CLDN10: variants seen among roughly 807,000 people sequenced by gnomAD.
CLDN10 encodes claudin 10, also known as claudin-10.
CLDN10 carries 15 observed loss-of-function variants against 22.9 expected under a neutral mutation model. That is an observed-to-expected ratio of 0.65 (90% confidence interval 0.44 to 1.01). The LOEUF is 1.01. Among genes scored for constraint, CLDN10 ranks in the 50% least tolerant of loss-of-function variants. The probability of loss-of-function intolerance (pLI) is 0.00; values close to 1 mark genes in which losing one functional copy is unlikely to be tolerated. For missense variants in CLDN10, 247 were observed against 287.8 expected (o/e 0.86, Z 1.03); for synonymous variants, 114 against 111.4 (o/e 1.02, Z -0.15).
At chr13:95,562,869 C>T (rs1218121385) in intron 3 of CLDN10, among the ~76,000 whole-genome samples, 1 of 152,204 alleles carries the variant, frequency 6.6e-6, no homozygotes, top group Non-Finnish European at 1.5e-5. Flanking sequence ...CAAACAATAA[C>T]TTAAACCTAT....
intron 1 of CLDN10, among the ~76,000 whole-genome samples, chr13:95,444,841 C>T (rs1262272416): frequency 6.6e-6 from 1 of 152,210 alleles, no homozygotes; most frequent in Non-Finnish European, 1.5e-5. Flanking sequence ...GTCACACAGG[C>T]TGGAGTGCAG....
At chr13:95,534,048 T>G (rs901652743) in intron 1 of CLDN10, 1 of 152,198 alleles carries the variant, frequency 6.6e-6, no homozygotes, top group African/African-American at 2.4e-5. Context: ...AGTCCTTTAT[T>G]AGAGAGCATT....
chr13:95,523,098 T>A (rs1028466432), intron 1 of CLDN10, among the ~76,000 whole-genome samples: 2 of 152,050 alleles, frequency 1.3e-5, no homozygotes, highest in African/African-American at 4.8e-5. Flanking sequence ...TCACCCTCTT[T>A]TTGTCCCATA....
intron 1 of CLDN10, among the ~76,000 whole-genome samples, chr13:95,441,965 A>G (rs900853328): frequency 6.6e-6 from 1 of 152,210 alleles, no homozygotes. Context: ...AGCCTGGGCA[A>G]CATGGTGAAA....
Position 95,453,076 on chromosome 13 carries a change from G to T in CLDN10, c.214+19029G>T, listed in dbSNP as rs1328580145. Reference sequence around the variant, plus strand: ...TCAGCATGCAATGGTTTTTGGTTTTGTTTTGTTTTGTTTTTAAGTTTTATT... The same window carrying T: ...TCAGCATGCAATGGTTTTTGGTTTTTTTTTGTTTTGTTTTTAAGTTTTATT... On this transcript the variant is annotated intron_variant, in intron 1 of 4. Coordinates refer to the CLDN10 transcript ENST00000376873. 2.0e-5 allele frequency among the ~76,000 whole-genome samples: 3 copies of T among 151,984 alleles called. No individual in the cohort carries two copies. The East Asian group carries it at 5.8e-4, about 29-fold the overall frequency.
chr13:95,517,826 C>A (rs530363968), intron 1 of CLDN10, among the ~76,000 whole-genome samples: 1 of 149,898 alleles, frequency 6.7e-6, no homozygotes, highest in Non-Finnish European at 1.5e-5. Context: ...CCCAGCTACT[C>A]AGGAGGGTAA....
chr13:95,540,080 A>G (rs1594598280), intron 1 of CLDN10, among the ~76,000 whole-genome samples: 1 of 152,120 alleles, frequency 6.6e-6, no homozygotes, highest in Non-Finnish European at 1.5e-5. Flanking sequence ...TGGGTGGATC[A>G]CCTGAGGTCA....
At chr13:95,541,070 A>G (rs1191754751) in intron 1 of CLDN10, among the ~76,000 whole-genome samples, 1 of 152,256 alleles carries the variant, frequency 6.6e-6, no homozygotes, top group East Asian at 1.9e-4. Context: ...TGCATGCTAA[A>G]TCTGGCTCTG....
intron 1 of CLDN10, among the ~76,000 whole-genome samples, chr13:95,514,743 T>C (rs929095263): frequency 6.6e-6 from 1 of 151,918 alleles, no homozygotes; most frequent in East Asian, 1.9e-4. Flanking sequence ...TTAAGAGAAA[T>C]GGAAAGCCCT....
chr13:95,439,902 C>T lies in CLDN10; in HGVS notation c.214+5855C>T, dbSNP rs73561509. On this transcript the variant is annotated intron_variant, in intron 1 of 4. Transcript: ENST00000376873. Reference sequence around the variant, plus strand: ...TGAGGGAAAATTAGTAAGTTAGATGCCTCCAAAATATTAACCCTTTTTTTT... The same window carrying T: ...TGAGGGAAAATTAGTAAGTTAGATGTCTCCAAAATATTAACCCTTTTTTTT... Among the ~76,000 whole-genome samples the T allele has an allele frequency of 6.0e-3, 886 of 148,574 alleles. 5 individuals are homozygous for T. The highest frequency in any genetic ancestry group is 0.021 in the African/African-American group (844 of 40,784).
intron 1 of CLDN10, among the ~76,000 whole-genome samples, chr13:95,499,424 C>T (rs370620679): frequency 6.6e-6 from 1 of 152,162 alleles, no homozygotes; most frequent in African/African-American, 2.4e-5. Context: ...CGCTTGTAAT[C>T]GCAGCTACTT....
intron 1 of CLDN10, among the ~76,000 whole-genome samples, chr13:95,518,216 A>C (rs1172674402): frequency 6.6e-6 from 1 of 152,194 alleles, no homozygotes; most frequent in African/African-American, 2.4e-5. Context: ...TGCCTAGCAC[A>C]TAGTTAGCAC....
intron 1 of CLDN10, among the ~76,000 whole-genome samples, chr13:95,468,781 T>C (rs539193902): frequency 2.6e-5 from 4 of 152,066 alleles, no homozygotes; most frequent in South Asian, 2.1e-4. Flanking sequence ...ACTTAGCTAC[T>C]CTTAGTCAAG....
chr13:95,464,229 T>A (rs1397872852), intron 1 of CLDN10, among the ~76,000 whole-genome samples: 1 of 152,224 alleles, frequency 6.6e-6, no homozygotes, highest in East Asian at 1.9e-4. Flanking sequence ...ATTAGGTTTA[T>A]CTCCTAATGC....
intron 1 of CLDN10, among the ~76,000 whole-genome samples, chr13:95,534,608 T>C (rs1034156192): frequency 7.9e-5 from 12 of 152,204 alleles, no homozygotes; most frequent in Non-Finnish European, 1.0e-4. Context: ...TAATGCATGA[T>C]TCACAGTGAT....
chr13:95,475,599 C>T (rs1329532721), intron 1 of CLDN10, among the ~76,000 whole-genome samples: 2 of 152,182 alleles, frequency 1.3e-5, no homozygotes, highest in African/African-American at 2.4e-5. Flanking sequence ...TGCTGTTTGC[C>T]CCAATGGCCT....
At chr13:95,465,355 A>G (rs1025030373) in intron 1 of CLDN10, among the ~76,000 whole-genome samples, 13 of 152,162 alleles carry the variant, frequency 8.5e-5, no homozygotes, top group African/African-American at 2.9e-4. Flanking sequence ...GAGCCAAACC[A>G]TATCACAGGT....
chr13:95,526,808 A>AAATG (rs1211752226), intron 1 of CLDN10, among the ~76,000 whole-genome samples: 4 of 151,726 alleles, frequency 2.6e-5, no homozygotes, highest in Non-Finnish European at 5.9e-5. Flanking sequence ...ATAAATAAAT[A>AAATG]AATAAATAAA....
upstream of CLDN10, among the ~76,000 whole-genome samples, chr13:95,548,102 CAT>C (rs1220616734): frequency 5.3e-5 from 8 of 152,194 alleles, no homozygotes; most frequent in Admixed American, 5.2e-4. Context: ...TTGCCCAAAA[CAT>C]ATAAATTAAC....
Sources: allele counts gnomAD v4.1 joint callset (sites outside exome capture counted in the v4.1 genomes callset), GRCh38; gene constraint gnomAD v4.1.1; transcripts MANE v1.5; gene names NCBI Gene and HGNC (gene_info 2026-07-23, HGNC 2026-07-21).